The following BBS9 variants were observed in gnomAD, a reference collection of about 807,000 sequenced individuals.
BBS9 encodes the protein protein PTHB1.
A neutral mutation model predicts 117.7 loss-of-function variants in BBS9; 89 were observed. The observed-to-expected ratio is 0.76, with a 90% CI of 0.64 to 0.90. The LOEUF is 0.90. Ranked by LOEUF, BBS9 falls within the 40% of genes least tolerant of loss-of-function variation. The pLI is 0.00. For synonymous variants in BBS9, 379 were observed against 370.9 expected (o/e 1.02, Z -0.25); for missense variants, 982 against 1,042.2 (o/e 0.94, Z 0.80).
At chr7:33,201,590 A>G (rs190402211) in intron 5 of BBS9, among the ~76,000 whole-genome samples, 1 of 151,198 alleles carries the variant, frequency 6.6e-6, no homozygotes, top group East Asian at 1.9e-4. Flanking sequence ...ACCTCACTCT[A>G]CTCTTCGGTA....
chr7:33,352,539 T>C (rs1818855109), intron 14 of BBS9, among the ~76,000 whole-genome samples: 1 of 152,198 alleles, frequency 6.6e-6, no homozygotes, highest in Non-Finnish European at 1.5e-5. Context: ...TTCCCCTTTA[T>C]TGAGTCTTTT....
At chr7:33,151,554 AT>A (rs35683893) in intron 2 of BBS9, among the ~76,000 whole-genome samples, 7 of 149,696 alleles carry the variant, frequency 4.7e-5, no homozygotes, top group Admixed American at 3.3e-4. Flanking sequence ...TATTATGAGG[AT>A]TTTTTTTTTC....
chr7:33,321,050 C>T (rs1286299017), intron 9 of BBS9, among the ~76,000 whole-genome samples: 1 of 151,824 alleles, frequency 6.6e-6, no homozygotes, highest in Non-Finnish European at 1.5e-5. Context: ...ATACATTCAT[C>T]TACAGTGATG....
intron 5 of BBS9, among the ~76,000 whole-genome samples, chr7:33,228,621 G>T (rs550502359): frequency 7.9e-5 from 12 of 152,000 alleles, no homozygotes; most frequent in Non-Finnish European, 1.5e-4. Flanking sequence ...ATAAACAGTT[G>T]ATTAACACAT....
chr7:33,540,049 C>G (rs1284176074), intron 21 of BBS9, among the ~76,000 whole-genome samples: 1 of 152,164 alleles, frequency 6.6e-6, no homozygotes, highest in Non-Finnish European at 1.5e-5. Context: ...ATTATAGCAA[C>G]TGGGATAATT....
At chr7:33,354,175 A>G (rs1302686050) in intron 15 of BBS9, among the ~76,000 whole-genome samples, 1 of 152,144 alleles carries the variant, frequency 6.6e-6, no homozygotes, top group Non-Finnish European at 1.5e-5. Flanking sequence ...TATATTTTAA[A>G]ATTATAATTA....
At position 33,259,699 on chromosome 7, in the gene BBS9, G is replaced by A. The variant is rs531942659; in HGVS notation, c.617+2289G>A. ...CTGTTTGCCCTTTACTGAGGGTAAG[G>A]GTAAGGGCTTTGGTACCACTGTTCT... is the stretch of plus-strand genomic sequence containing the variant. On this transcript the variant is annotated intron_variant, in intron 6 of 22. Transcript: ENST00000242067. 2.6e-4 allele frequency among the ~76,000 whole-genome samples: 40 copies of A among 152,150 alleles called. 1 individual carries two copies. The South Asian group carries it at 6.6e-3, about 25-fold the overall frequency.
At chr7:33,357,696 T>C in intron 15 of BBS9, 159 bp from the exon 16 acceptor site, 1 of 769,126 alleles carries the variant, frequency 1.3e-6, no homozygotes, top group Non-Finnish European at 2.3e-6. Flanking sequence ...GAAATATGAA[T>C]CATGATAATA....
At chr7:33,438,743 G>A (rs1334105446) in intron 19 of BBS9, among the ~76,000 whole-genome samples, 1 of 152,180 alleles carries the variant, frequency 6.6e-6, no homozygotes, top group African/African-American at 2.4e-5. Flanking sequence ...TTAAATGAAA[G>A]AACTTGGGCT....
At chr7:33,545,802 A>G (rs1466375166) in intron 21 of BBS9, among the ~76,000 whole-genome samples, 5 of 151,574 alleles carry the variant, frequency 3.3e-5, no homozygotes, top group South Asian at 2.1e-4. Context: ...AAATGTTTGT[A>G]TATGTGTATA....
chr7:33,266,647 A>G, intron 7 of BBS9, among the ~76,000 whole-genome samples: 1 of 152,140 alleles, frequency 6.6e-6, no homozygotes, highest in East Asian at 1.9e-4. Context: ...TTTACTAGTT[A>G]TTATTAGTTA....
At chr7:33,169,994 T>C (rs1437992874) in intron 4 of BBS9, among the ~76,000 whole-genome samples, 2 of 152,144 alleles carry the variant, frequency 1.3e-5, no homozygotes, top group Admixed American at 6.6e-5. Flanking sequence ...TTGTATAAGG[T>C]GTAATCACAG....
At chr7:33,444,895 T>G (rs1860601) in intron 19 of BBS9, among the ~76,000 whole-genome samples, 34,155 of 152,098 alleles carry the variant, frequency 0.22, 4,010 homozygotes, top group Non-Finnish European at 0.25. Context: ...AGTTGAAAAT[T>G]TTGCGAAAGC....
chr7:33,430,463 G>A (rs892107603), intron 19 of BBS9, among the ~76,000 whole-genome samples: 2 of 152,128 alleles, frequency 1.3e-5, no homozygotes, highest in Non-Finnish European at 2.9e-5. Context: ...GTATGTTATA[G>A]TATCTCAGTA....
At chr7:33,600,715 C>G (rs557069965) in intron 21 of BBS9, among the ~76,000 whole-genome samples, 1 of 152,146 alleles carries the variant, frequency 6.6e-6, no homozygotes, top group Non-Finnish European at 1.5e-5. Flanking sequence ...AGCCTCAATG[C>G]CTGAGCCATC....
intron 5 of BBS9, among the ~76,000 whole-genome samples, chr7:33,187,369 G>A (rs1783294595): frequency 6.6e-6 from 1 of 152,168 alleles, no homozygotes; most frequent in Non-Finnish European, 1.5e-5. Context: ...TTACCTTGTT[G>A]GCTGTGAAAA....
intron 19 of BBS9, among the ~76,000 whole-genome samples, chr7:33,495,750 G>A (rs1207655786): frequency 6.6e-6 from 1 of 152,136 alleles, no homozygotes; most frequent in Non-Finnish European, 1.5e-5. Flanking sequence ...CTTGAGATCA[G>A]TTGTATTTTT....
chr7:33,478,571 T>C (rs1842104082), intron 19 of BBS9, among the ~76,000 whole-genome samples: 1 of 152,182 alleles, frequency 6.6e-6, no homozygotes, highest in African/African-American at 2.4e-5. Flanking sequence ...AAAAAGCACA[T>C]TAAGTGTAAT....
chr7:33,451,037 C>T (rs1049328998), intron 19 of BBS9, among the ~76,000 whole-genome samples: 5 of 151,870 alleles, frequency 3.3e-5, no homozygotes, highest in South Asian at 2.1e-4. Flanking sequence ...TACAGGCGCC[C>T]GCCACCATGC....
Sources: allele counts gnomAD v4.1 joint callset (sites outside exome capture counted in the v4.1 genomes callset), GRCh38; gene constraint gnomAD v4.1.1; transcripts MANE v1.5; gene names NCBI Gene and HGNC (gene_info 2026-07-23, HGNC 2026-07-21).